Variants in CACNB4 observed in about 807,000 individuals in gnomAD.
The protein encoded by CACNB4 is calcium voltage-gated channel auxiliary subunit beta 4, also known as voltage-dependent L-type calcium channel subunit beta-4.
In CACNB4, 32 loss-of-function variants were observed where a neutral mutation model predicts 71.2. The observed-to-expected ratio is 0.45, with a 90% CI of 0.34 to 0.60. The LOEUF (loss-of-function observed/expected upper bound fraction) is 0.60. CACNB4 is among the 20% of genes least tolerant of loss of function. The pLI is 0.01. For missense variants in CACNB4, 464 were observed against 647.9 expected (o/e 0.72, Z 3.08); for synonymous variants, 231 against 236.9 (o/e 0.97, Z 0.23).
intron 2 of CACNB4, among the ~76,000 whole-genome samples, chr2:151,907,688 A>C (rs1199865477): frequency 1.3e-5 from 2 of 152,220 alleles, no homozygotes; most frequent in Non-Finnish European, 2.9e-5. Flanking sequence ...ATTTTGAATA[A>C]GAAAAACAGC....
At chr2:151,909,223 G>T (rs1578745885) in intron 2 of CACNB4, among the ~76,000 whole-genome samples, 1 of 150,858 alleles carries the variant, frequency 6.6e-6, no homozygotes, top group Non-Finnish European at 1.5e-5. Context: ...CTGAGGTCAG[G>T]AGTTCAAGAC....
rs956510174 is a variant in CACNB4 at position 151,938,115 on chromosome 2, CCT to C, written c.148-54747_148-54746del. Reference sequence around the variant, plus strand: ...AGAGCTGAAGACAGCTATCATGTCCCCTGAGTCTTTCATGTACCAGAAATGGT... The same window carrying C: ...AGAGCTGAAGACAGCTATCATGTCCCGAGTCTTTCATGTACCAGAAATGGT... On this transcript the variant is annotated intron_variant, in intron 2 of 13. Coordinates refer to ENST00000539935, the MANE Select transcript of CACNB4 (RefSeq NM_000726.5). Among the ~76,000 whole-genome samples, 5 of 152,270 alleles carry C rather than the reference CCT, an allele frequency of 3.3e-5. No homozygotes were observed. In the South Asian group the frequency reaches 8.3e-4, roughly 25 times the overall value.
At chr2:152,050,012 G>A (rs566174835) in intron 2 of CACNB4, among the ~76,000 whole-genome samples, 10 of 152,312 alleles carry the variant, frequency 6.6e-5, no homozygotes, top group African/African-American at 2.4e-4. Flanking sequence ...GTTTTAATCT[G>A]GTCTGCAGAA....
chr2:151,977,892 G>A (rs1042965121), intron 2 of CACNB4, among the ~76,000 whole-genome samples: 1 of 152,200 alleles, frequency 6.6e-6, no homozygotes, highest in Non-Finnish European at 1.5e-5. Context: ...TGCCAATTCA[G>A]CCTTGGGAAT....
At position 152,098,777 on chromosome 2, in the gene CACNB4, A is replaced by G; in HGVS notation, c.63+172T>C. On this transcript the variant is annotated intron_variant, in intron 1 of 13. Coordinates refer to ENST00000539935, the MANE Select transcript of CACNB4 (RefSeq NM_000726.5). The surrounding 1 kb of genome is among the most constrained non-coding windows in gnomAD (Gnocchi z 5.3). The stretch of plus-strand genomic sequence containing the variant: ...GAGGAGGAAGAGAAGGAGGAGAAAG[A>G]GGAGGAGCGGGAGGAGAAAGGGACG... 9.4e-7 allele frequency: 1 copy of G among 1,066,578 alleles called. No individual in the cohort carries two copies. Among genetic ancestry groups the G allele is most frequent in the Non-Finnish European group, 1.3e-6 (1 of 749,168 alleles). The allele number at this position is 1,066,578 out of a possible 1,614,324, so 66.1% of individuals were successfully genotyped here.
chr2:151,887,759 A>G (rs2099849729), intron 2 of CACNB4, among the ~76,000 whole-genome samples: 1 of 152,192 alleles, frequency 6.6e-6, no homozygotes, highest in African/African-American at 2.4e-5. Flanking sequence ...GAAAATGTAG[A>G]TAATAATGTA....
At chr2:152,031,163 G>A (rs537777013) in intron 2 of CACNB4, among the ~76,000 whole-genome samples, 11 of 152,172 alleles carry the variant, frequency 7.2e-5, no homozygotes, top group Non-Finnish European at 1.5e-4. Context: ...ATCCTGATGT[G>A]CCCAGAACTC....
chr2:151,846,220 C>A (rs1348387329), intron 12 of CACNB4, among the ~76,000 whole-genome samples: 1 of 152,126 alleles, frequency 6.6e-6, no homozygotes, highest in Non-Finnish European at 1.5e-5. Flanking sequence ...ACTGCTAAAC[C>A]TTGAAAATTC....
At chr2:151,942,715 G>T (rs747332223) in intron 2 of CACNB4, among the ~76,000 whole-genome samples, 1 of 152,026 alleles carries the variant, frequency 6.6e-6, no homozygotes, top group South Asian at 2.1e-4. Flanking sequence ...GTCTATAAAC[G>T]GCCGCTCTAG....
intron 2 of CACNB4, among the ~76,000 whole-genome samples, chr2:152,058,748 T>A (rs1433096982): frequency 6.6e-6 from 1 of 151,874 alleles, no homozygotes; most frequent in African/African-American, 2.4e-5. Context: ...TAACCAGGAG[T>A]CCAGTGTTAA....
intron 2 of CACNB4, among the ~76,000 whole-genome samples, chr2:151,966,570 C>A (rs187925779): frequency 6.6e-6 from 1 of 152,128 alleles, no homozygotes; most frequent in Admixed American, 6.5e-5. Context: ...TGAGCCACTG[C>A]GCCCAGCCTC....
intron 2 of CACNB4, among the ~76,000 whole-genome samples, chr2:152,097,279 T>C (rs1434737252): frequency 2.0e-5 from 3 of 152,206 alleles, no homozygotes; most frequent in Non-Finnish European, 4.4e-5. Flanking sequence ...AAATTGATGA[T>C]AATCACTAAA....
At chr2:151,884,414 G>A (rs1322203858) in intron 2 of CACNB4, among the ~76,000 whole-genome samples, 1 of 149,776 alleles carries the variant, frequency 6.7e-6, no homozygotes, top group Non-Finnish European at 1.5e-5. Flanking sequence ...ACGAGGTCAG[G>A]AGTTCGACAC....
intron 13 of CACNB4, 61 bp downstream of exon 13, chr2:151,841,842 A>T (rs1365845427): frequency 1.4e-6 from 2 of 1,440,278 alleles, no homozygotes; most frequent in East Asian, 4.5e-5. Flanking sequence ...CATCCTAATC[A>T]AGTTCCCATA....
At chr2:152,055,729 CCT>C (rs1439136164) in intron 2 of CACNB4, among the ~76,000 whole-genome samples, 2 of 152,086 alleles carry the variant, frequency 1.3e-5, no homozygotes, top group Admixed American at 6.5e-5. Flanking sequence ...TGATTTCCCC[CCT>C]GATTCTAAGA....
At chr2:151,962,874 G>A (rs1387221395) in intron 2 of CACNB4, 2 of 152,170 alleles carry the variant, frequency 1.3e-5, no homozygotes, top group African/African-American at 4.8e-5. Context: ...TCCAATCTCT[G>A]TTTTGGAGAT....
chr2:151,945,375 A>G (rs1274393893), intron 2 of CACNB4, among the ~76,000 whole-genome samples: 1 of 152,148 alleles, frequency 6.6e-6, no homozygotes, highest in African/African-American at 2.4e-5. Flanking sequence ...CCTCATCTTA[A>G]CAATGGGGAT....
intron 2 of CACNB4, among the ~76,000 whole-genome samples, chr2:152,092,011 C>T (rs1008840164): frequency 6.6e-6 from 1 of 152,124 alleles, no homozygotes. Context: ...TGCATGTATC[C>T]ACACCTGTGT....
intron 2 of CACNB4, among the ~76,000 whole-genome samples, chr2:151,935,544 C>T (rs768417901): frequency 2.6e-5 from 4 of 152,208 alleles, no homozygotes; most frequent in Non-Finnish European, 5.9e-5. Context: ...ACCTGGTTAT[C>T]TGAACCTAGC....
Sources: gnomAD v4.1 joint callset for allele counts (sites outside exome capture counted in the v4.1 genomes callset) on GRCh38, gnomAD v4.1.1 for gene constraint, Gnocchi (gnomAD v3.1) non-coding constraint, MANE v1.5 for transcripts, NCBI Gene and HGNC (gene_info 2026-07-23, HGNC 2026-07-21) for gene names.